MGAT4C: variants seen among roughly 807,000 people sequenced by gnomAD.
The protein encoded by MGAT4C is alpha-1,3-mannosyl-glycoprotein 4-beta-N-acetylglucosaminyltransferase C.
In MGAT4C, 19 loss-of-function variants were observed where a neutral mutation model predicts 40.1. The observed-to-expected ratio is 0.47, with a 90% CI of 0.33 to 0.70. The LOEUF (loss-of-function observed/expected upper bound fraction) is 0.70, where lower values mean the gene tolerates loss of function less well. MGAT4C is among the 30% of genes least tolerant of loss of function. MGAT4C has a pLI of 0.02. For synonymous variants in MGAT4C, 181 were observed against 187.1 expected (o/e 0.97, Z 0.27); for missense variants, 491 against 563.2 (o/e 0.87, Z 1.30).
intron 3 of MGAT4C, among the ~76,000 whole-genome samples, chr12:86,385,201 C>T (rs1956028132): frequency 6.6e-6 from 1 of 152,084 alleles, no homozygotes; most frequent in African/African-American, 2.4e-5. Flanking sequence ...TTTTAATTGG[C>T]AACTGACATG....
intron 1 of MGAT4C, among the ~76,000 whole-genome samples, chr12:86,172,692 A>T (rs1886981558): frequency 1.3e-5 from 2 of 152,176 alleles, no homozygotes; most frequent in South Asian, 4.1e-4. Flanking sequence ...CTAAGGGTAT[A>T]AATTAGAGTT....
intron 1 of MGAT4C, among the ~76,000 whole-genome samples, chr12:86,106,497 G>T (rs1431877189): frequency 6.6e-6 from 1 of 152,056 alleles, no homozygotes; most frequent in Non-Finnish European, 1.5e-5. Flanking sequence ...TAAAGACAGG[G>T]TTTCCCCATC....
intron 2 of MGAT4C, among the ~76,000 whole-genome samples, chr12:86,700,305 T>C (rs915226022): frequency 2.0e-5 from 3 of 152,018 alleles, no homozygotes; most frequent in Non-Finnish European, 4.4e-5. Context: ...ATATATTGAC[T>C]AGAACAGAGT....
chr12:86,225,999 A>G (rs1951058837), intron 1 of MGAT4C, among the ~76,000 whole-genome samples: 1 of 152,170 alleles, frequency 6.6e-6, no homozygotes, highest in South Asian at 2.1e-4. Context: ...GAAGAAGTCA[A>G]TTGTATCTCT....
At chr12:86,765,674 G>A (rs968579074) in intron 1 of MGAT4C, among the ~76,000 whole-genome samples, 1 of 152,192 alleles carries the variant, frequency 6.6e-6, no homozygotes, top group African/African-American at 2.4e-5. Context: ...TCTCTCGGCA[G>A]AAACTCTACA....
intron 3 of MGAT4C, among the ~76,000 whole-genome samples, chr12:86,350,530 C>A: frequency 6.6e-6 from 1 of 152,112 alleles, no homozygotes; most frequent in South Asian, 2.1e-4. Flanking sequence ...GACCAATGCC[C>A]GATTCTGTTG....
intron 2 of MGAT4C, among the ~76,000 whole-genome samples, chr12:85,998,375 T>C (rs1036472608): frequency 1.3e-5 from 2 of 152,220 alleles, no homozygotes; most frequent in Admixed American, 1.3e-4. Context: ...GATTACATTC[T>C]GCTCCTCATT....
rs1882205267 is a variant in MGAT4C, at chr12:86,137,923, T to C, written c.-56-88200A>G. Among the ~76,000 whole-genome samples, 2 of 152,198 alleles carry C rather than the reference T, an allele frequency of 1.3e-5. 1 individual carries two copies. Among genetic ancestry groups the C allele is most frequent in the Middle Eastern group, 6.8e-3 (2 of 294 alleles). ...CTCATTTGCATGGAGTTGGGAAAAA[T>C]TCTGAGGAGCATTTTACCCTTCAGG... On this transcript the variant is annotated intron_variant, in intron 1 of 4. Transcript: ENST00000611864.
At chr12:86,267,157 GCTTTT>G (rs1592619223) in intron 4 of MGAT4C, among the ~76,000 whole-genome samples, 1 of 151,234 alleles carries the variant, frequency 6.6e-6, no homozygotes, top group East Asian at 1.9e-4. Flanking sequence ...GTTTGTTTTT[GCTTTT>G]CTAGTCCCTT....
chr12:86,636,027 T>G (rs1202316666), intron 2 of MGAT4C, among the ~76,000 whole-genome samples: 1 of 151,642 alleles, frequency 6.6e-6, no homozygotes, highest in Non-Finnish European at 1.5e-5. Flanking sequence ...TACTTGCCAT[T>G]GTGTTACAAT....
intron 4 of MGAT4C, 63 bp from the exon 5 acceptor site, chr12:85,980,493 A>C: frequency 7.0e-7 from 1 of 1,418,466 alleles, no homozygotes; most frequent in Non-Finnish European, 9.5e-7. Flanking sequence ...AGTAAAAGAG[A>C]GAAGATATTT....
intron 1 of MGAT4C, among the ~76,000 whole-genome samples, chr12:86,087,276 G>T (rs1214112681): frequency 1.3e-5 from 2 of 151,750 alleles, no homozygotes; most frequent in Non-Finnish European, 2.9e-5. Context: ...TAATTTTCCA[G>T]TTATTTTATA....
At chr12:86,543,692 T>C (rs1959179436) in intron 2 of MGAT4C, among the ~76,000 whole-genome samples, 1 of 152,206 alleles carries the variant, frequency 6.6e-6, no homozygotes, top group Non-Finnish European at 1.5e-5. Context: ...CCAAGAATTA[T>C]ACTTAAGTCT....
At chr12:86,244,650 GAAGGC>G (rs968117174) in intron 1 of MGAT4C, among the ~76,000 whole-genome samples, 2 of 152,170 alleles carry the variant, frequency 1.3e-5, no homozygotes, top group Non-Finnish European at 2.9e-5. Flanking sequence ...GGGACACAGA[GAAGGC>G]AATGGTCAAT....
chr12:86,365,723 T>A (rs1387143563), intron 3 of MGAT4C, among the ~76,000 whole-genome samples: 1 of 150,666 alleles, frequency 6.6e-6, no homozygotes, highest in African/African-American at 2.4e-5. Flanking sequence ...TGGTTGTAGG[T>A]GTGTGGTTTT....
In MGAT4C at chr12:85,980,233, T is replaced by C; in HGVS notation, c.493A>G (p.Ile165Val). The C allele has an allele frequency of 1.2e-6, 2 of 1,613,926 alleles. No individual in the cohort carries two copies. Among genetic ancestry groups the C allele is most frequent in the Non-Finnish European group, 1.7e-6 (2 of 1,179,896 alleles). ...DITQKFAHHI[I>V]AGRLMVIHAP... is the part of the protein sequence containing the mutation. ...TGTATAACCATTAATCTTCCTGCAA[T>C]AATATGGTGCGCAAATTTCTGTGTA... The change falls in exon 5 of 5, where the codon ATT becomes GTT. Residue 165 changes from isoleucine to valine, a missense_variant. Coordinates refer to ENST00000611864, the MANE Select transcript of MGAT4C (RefSeq NM_001351288.2).
chr12:86,495,440 T>C (rs1308876331), intron 2 of MGAT4C: 2 of 151,910 alleles, frequency 1.3e-5, no homozygotes, highest in African/African-American at 4.8e-5. Context: ...CAAATGAAAA[T>C]AATAATTTAT....
At position 86,728,565 on chromosome 12, in the gene MGAT4C, C is replaced by T. The variant is rs147821231; in HGVS notation, c.-261-1324G>A. Among the ~76,000 whole-genome samples the T allele has an allele frequency of 3.4e-3, 515 of 152,214 alleles. 2 individuals are homozygous for T. Among genetic ancestry groups the T allele is most frequent in the African/African-American group, 0.012 (493 of 41,528 alleles). ...AATTAGCCTGGCATAGTGGCGAGCA[C>T]CTGTAGTCCCAGCTGCTCGGGAAAC... On this transcript the variant is annotated intron_variant, in intron 1 of 7. Transcript: ENST00000548651.
chr12:85,960,800 T>C lies in MGAT4C; in HGVS notation c.*18489A>G, dbSNP rs1330626563. 1 of 151,862 alleles carries C rather than the reference T, an allele frequency of 6.6e-6. No individual in the cohort carries two copies. The highest frequency in any genetic ancestry group is 1.5e-5 in the Non-Finnish European group (1 of 67,822). 9.4% of individuals were successfully genotyped at this position (151,862 alleles called of 1,614,324 possible). A position where few individuals can be genotyped will look rare whatever the true frequency, so the allele number is the denominator to read the frequency against. On this transcript the variant is annotated 3_prime_UTR_variant, in exon 5 of 5. Transcript: ENST00000611864. ...ATTAAGCTGAATCACCAAAAAAAAA[T>C]TTGATATGAAAGTCATACATTGAAA...
Sources: allele counts gnomAD v4.1 joint callset (sites outside exome capture counted in the v4.1 genomes callset), GRCh38; gene constraint gnomAD v4.1.1; transcripts MANE v1.5; gene names NCBI Gene and HGNC (gene_info 2026-07-23, HGNC 2026-07-21).